Variants in PDE8A observed in about 807,000 individuals in gnomAD.
PDE8A encodes high affinity cAMP-specific and IBMX-insensitive 3',5'-cyclic phosphodiesterase 8A.
A neutral mutation model predicts 105.0 loss-of-function variants in PDE8A; 59 were observed. The ratio of observed to expected loss-of-function variants is 0.56; its 90% CI spans 0.46 to 0.70. PDE8A has a LOEUF of 0.70. PDE8A is among the 30% of genes least tolerant of loss of function. PDE8A has a pLI of 0.00. For missense variants in PDE8A, 1,014 were observed against 1,045.9 expected, an observed-to-expected ratio of 0.97 and a Z score of 0.42; for synonymous variants, 355 against 371.9, an observed-to-expected ratio of 0.95 and a Z score of 0.52.
chr15:84,985,568 C>G (rs187267921), intron 1 of PDE8A, among the ~76,000 whole-genome samples: 2 of 152,166 alleles, frequency 1.3e-5, no homozygotes, highest in South Asian at 2.1e-4. Context: ...ATGCTCACCC[C>G]CTATCTTCCT....
intron 20 of PDE8A, among the ~76,000 whole-genome samples, chr15:85,134,955 G>T (rs562034483): frequency 1.3e-5 from 2 of 152,196 alleles, no homozygotes; most frequent in South Asian, 4.1e-4. Flanking sequence ...GCGACTTTAG[G>T]GAGCTCCACG....
intron 20 of PDE8A, among the ~76,000 whole-genome samples, chr15:85,129,690 T>G (rs1205805284): frequency 1.3e-5 from 2 of 152,134 alleles, no homozygotes; most frequent in Non-Finnish European, 2.9e-5. Flanking sequence ...TTCTGTTCTC[T>G]ATATACCTCT....
At chr15:85,001,897 TGTG>T (rs2080073282) in intron 1 of PDE8A, among the ~76,000 whole-genome samples, 2 of 152,210 alleles carry the variant, frequency 1.3e-5, no homozygotes, top group South Asian at 4.1e-4. Context: ...CTAAGTACTT[TGTG>T]CATGAACTAA....
chr15:85,058,247 TTTC>T (rs912739317), intron 1 of PDE8A, among the ~76,000 whole-genome samples: 5 of 152,020 alleles, frequency 3.3e-5, no homozygotes, highest in Admixed American at 3.3e-4. Context: ...TGACCAGCTT[TTTC>T]TTCTTCTTCT....
intron 3 of PDE8A, among the ~76,000 whole-genome samples, chr15:85,071,690 G>T (rs1274195961): frequency 6.6e-6 from 1 of 152,190 alleles, no homozygotes; most frequent in Non-Finnish European, 1.5e-5. Context: ...GAGGACAGCT[G>T]CTGACACCAA....
At chr15:85,136,205 C>T (rs1487587970) in intron 20 of PDE8A, among the ~76,000 whole-genome samples, 3 of 152,202 alleles carry the variant, frequency 2.0e-5, no homozygotes, top group East Asian at 3.8e-4. Flanking sequence ...GCCTCAGTTT[C>T]TTTAGGTCAA....
chr15:85,111,181 A>AATC (rs2082015746), intron 12 of PDE8A, among the ~76,000 whole-genome samples: 3 of 152,140 alleles, frequency 2.0e-5, no homozygotes, highest in African/African-American at 7.2e-5. Context: ...CTCCCCTCTA[A>AATC]ATCATATCTT....
At chr15:85,047,856 G>A (rs559445873) in intron 1 of PDE8A, among the ~76,000 whole-genome samples, 2 of 152,222 alleles carry the variant, frequency 1.3e-5, no homozygotes, top group Admixed American at 1.3e-4. Flanking sequence ...ATGTAAATAT[G>A]TATATACATA....
chr15:85,017,164 G>A (rs984648593), intron 1 of PDE8A, among the ~76,000 whole-genome samples: 2 of 151,574 alleles, frequency 1.3e-5, no homozygotes, highest in African/African-American at 4.8e-5. Context: ...GGGAGGCTGA[G>A]GCAGGAGAAT....
chr15:85,024,864 A>C (rs2080488078), intron 1 of PDE8A, among the ~76,000 whole-genome samples: 1 of 152,172 alleles, frequency 6.6e-6, no homozygotes, highest in African/African-American at 2.4e-5. Context: ...TGTGGTTGTT[A>C]GTCATTCTTT....
intron 8 of PDE8A, among the ~76,000 whole-genome samples, chr15:85,095,037 T>C (rs1363641717): frequency 1.3e-5 from 2 of 152,024 alleles, no homozygotes; most frequent in Non-Finnish European, 2.9e-5. Context: ...GTGCCCACCC[T>C]GGGGATAGGA....
At chr15:84,997,655 C>G (rs571284042) in intron 1 of PDE8A, among the ~76,000 whole-genome samples, 1 of 151,896 alleles carries the variant, frequency 6.6e-6, no homozygotes, top group Non-Finnish European at 1.5e-5. Flanking sequence ...TGCAATGGTG[C>G]GATCTTGGCT....
chr15:85,012,300 A>G (rs2080251825), intron 1 of PDE8A, among the ~76,000 whole-genome samples: 1 of 152,228 alleles, frequency 6.6e-6, no homozygotes, highest in Non-Finnish European at 1.5e-5. Context: ...AGCCAACCCA[A>G]ATATCCAACA....
intron 11 of PDE8A, among the ~76,000 whole-genome samples, chr15:85,102,083 G>A (rs1369555740): frequency 1.3e-5 from 2 of 152,196 alleles, no homozygotes; most frequent in East Asian, 3.8e-4. Context: ...ACCAGGGATG[G>A]TAAAGGGGAA....
At chr15:84,991,788 T>A (rs962853915) in intron 1 of PDE8A, among the ~76,000 whole-genome samples, 1 of 152,246 alleles carries the variant, frequency 6.6e-6, no homozygotes, top group African/African-American at 2.4e-5. Flanking sequence ...ATATTAACTT[T>A]GATAAATCTC....
chr15:85,040,325 T>A (rs1433873106), intron 1 of PDE8A, among the ~76,000 whole-genome samples: 2 of 141,774 alleles, frequency 1.4e-5, no homozygotes, highest in Non-Finnish European at 3.0e-5. Context: ...CCCAAAGTGC[T>A]GGGATTACGG....
chr15:85,020,993 C>T (rs1205733958), intron 1 of PDE8A, among the ~76,000 whole-genome samples: 1 of 152,160 alleles, frequency 6.6e-6, no homozygotes, highest in African/African-American at 2.4e-5. Flanking sequence ...TTCGTATTCT[C>T]CCAAAATTCT....
In PDE8A at chr15:85,097,992, T is replaced by C. The variant is rs2081787649; in HGVS notation, c.897T>C (p.Asn299=). 1 of 1,604,656 alleles carries C rather than the reference T, an allele frequency of 6.2e-7. No homozygotes were observed. The highest frequency in any genetic ancestry group is 2.2e-5 in the East Asian group (1 of 44,800). The change falls in exon 9 of 22, where the codon AAT becomes AAC. Residue 299 remains asparagine, a synonymous_variant. Coordinates refer to ENST00000394553, the MANE Select transcript of PDE8A (RefSeq NM_002605.3). ...IYYAKKKNGD[N]IQQNVKIIPV... ...ATGCCAAAAAGAAAAACGGAGATAA[T>C]ATACAACAAAATGTGAAGATAATAC...
intron 1 of PDE8A, among the ~76,000 whole-genome samples, chr15:85,020,691 T>G (rs2080410715): frequency 1.3e-5 from 2 of 152,232 alleles, no homozygotes; most frequent in South Asian, 4.1e-4. Context: ...AAAGAATTCC[T>G]GCGTAGTCTC....
Sources: allele counts gnomAD v4.1 joint callset (sites outside exome capture counted in the v4.1 genomes callset), GRCh38; gene constraint gnomAD v4.1.1; transcripts MANE v1.5; gene names NCBI Gene and HGNC (gene_info 2026-07-23, HGNC 2026-07-21).